The following ABCC1 variants were observed in gnomAD, a reference collection of about 807,000 sequenced individuals.
The protein encoded by ABCC1 is multidrug resistance-associated protein 1.
ABCC1 carries 83 observed loss-of-function variants against 172.9 expected under a neutral mutation model. The observed-to-expected ratio is 0.48, with a 90% CI of 0.40 to 0.58. The LOEUF (loss-of-function observed/expected upper bound fraction) is 0.58. Among genes scored for constraint, ABCC1 ranks in the 20% least tolerant of loss-of-function variants. The pLI is 0.00. For synonymous variants in ABCC1, 937 were observed against 825.2 expected, an observed-to-expected ratio of 1.14 and a Z score of -2.32; for missense variants, 1,817 against 2,002.7, an observed-to-expected ratio of 0.91 and a Z score of 1.77.
rs1000375208 is a variant in ABCC1, at chr16:16,033,183, C to A, written c.677+13C>A. 1 of 1,612,796 alleles carries A rather than the reference C, an allele frequency of 6.2e-7. No individual in the cohort carries two copies. Among genetic ancestry groups the A allele is most frequent in the African/African-American group, 1.3e-5 (1 of 74,882 alleles). On this transcript the variant is annotated intron_variant, in intron 6 of 30. Transcript: ENST00000399410. ...GGTGGATCACAGGGTAAGGCCAGGCCCCCCAGACCTCAGGGAGGTGGTGGG... is the reference window on the plus strand; with the variant it reads ...GGTGGATCACAGGGTAAGGCCAGGCACCCCAGACCTCAGGGAGGTGGTGGG...
Position 16,141,827 on chromosome 16 carries a change from T to G in ABCC1, c.*546T>G, listed in dbSNP as rs45569938. On this transcript the variant is annotated 3_prime_UTR_variant, in exon 31 of 31. Transcript: ENST00000399410. ...CCTGGAGAAAATCATTTTCTCCCCT[T>G]GGCAGTGTCCCAGGGCCCTGGATGG... is the stretch of plus-strand genomic sequence containing the variant. The G allele has an allele frequency of 5.7e-3, 881 of 154,256 alleles. 7 individuals carry two copies. Among genetic ancestry groups the G allele is most frequent in the African/African-American group, 0.019 (797 of 41,622 alleles). The allele number at this position is 154,256 out of a possible 1,614,324, so 9.6% of individuals were successfully genotyped here. A position where few individuals can be genotyped will look rare whatever the true frequency, so the allele number is the denominator to read the frequency against.
intron 29 of ABCC1, among the ~76,000 whole-genome samples, chr16:16,137,242 C>G (rs1190745518): frequency 2.0e-5 from 3 of 152,066 alleles, no homozygotes; most frequent in Non-Finnish European, 4.4e-5. Context: ...CGGCTGGGCT[C>G]ACATGCATGT....
chr16:16,126,442 G>A (rs2045439960), intron 26 of ABCC1, among the ~76,000 whole-genome samples: 1 of 152,156 alleles, frequency 6.6e-6, no homozygotes, highest in African/African-American at 2.4e-5. Context: ...GGAGTGCAGT[G>A]GCACAATCTC....
At chr16:16,139,170 A>C (rs1321512020) in intron 30 of ABCC1, among the ~76,000 whole-genome samples, 3 of 152,208 alleles carry the variant, frequency 2.0e-5, no homozygotes, top group African/African-American at 7.2e-5. Context: ...ACAGAGCAAT[A>C]AACCAACAGG....
chr16:16,103,799 T>C (rs896425530), intron 20 of ABCC1, among the ~76,000 whole-genome samples: 9 of 152,154 alleles, frequency 5.9e-5, no homozygotes, highest in Non-Finnish European at 1.3e-4. Flanking sequence ...TTGCCATGGT[T>C]ATCATCCGGA....
intron 16 of ABCC1, 47 bp downstream of exon 16, chr16:16,079,525 T>A (rs2050723046): frequency 6.3e-7 from 1 of 1,583,236 alleles, no homozygotes; most frequent in Admixed American, 1.8e-5. Flanking sequence ...GCTGGTGGTC[T>A]GAGGAAAAGC....
intron 13 of ABCC1, among the ~76,000 whole-genome samples, chr16:16,068,978 A>G (rs1277978028): frequency 2.0e-4 from 28 of 140,788 alleles, no homozygotes; most frequent in East Asian, 4.2e-4. Context: ...CACAGCAAAA[A>G]CTCCGTCTCA....
intron 13 of ABCC1, among the ~76,000 whole-genome samples, chr16:16,069,035 T>G (rs978840954): frequency 1.7e-4 from 26 of 149,054 alleles, no homozygotes; most frequent in Non-Finnish European, 2.1e-4. Flanking sequence ...CGGCCGGGCA[T>G]GATGGTACAT....
At chr16:15,958,363 G>A (rs1304883447) in intron 1 of ABCC1, among the ~76,000 whole-genome samples, 1 of 152,034 alleles carries the variant, frequency 6.6e-6, no homozygotes, top group African/African-American at 2.4e-5. Context: ...GAGTTCCTCA[G>A]CCTCCCAAAG....
At chr16:16,132,694 G>C (rs145158651) in intron 27 of ABCC1, among the ~76,000 whole-genome samples, 260 of 150,718 alleles carry the variant, frequency 1.7e-3, no homozygotes, top group African/African-American at 6.2e-3. Flanking sequence ...GCTAATTTTT[G>C]TGTTATTAGT....
At chr16:15,972,673 C>G (rs1010677348) in intron 1 of ABCC1, among the ~76,000 whole-genome samples, 2 of 151,558 alleles carry the variant, frequency 1.3e-5, no homozygotes, top group African/African-American at 4.8e-5. Context: ...CCTCTAGCTG[C>G]AAGGGAGGCA....
intron 1 of ABCC1, among the ~76,000 whole-genome samples, chr16:16,005,603 C>G (rs550143829): frequency 1.3e-5 from 2 of 152,242 alleles, no homozygotes; most frequent in South Asian, 4.1e-4. Context: ...GCCTCGGCCT[C>G]CCAAAGTGCT....
intron 1 of ABCC1, among the ~76,000 whole-genome samples, chr16:15,960,665 G>A (rs549515378): frequency 6.6e-6 from 1 of 152,124 alleles, no homozygotes; most frequent in Non-Finnish European, 1.5e-5. Context: ...TTTCGGAGGC[G>A]GTGAGGTTTG....
intron 7 of ABCC1, among the ~76,000 whole-genome samples, chr16:16,043,243 T>TCC (rs1555488075): frequency 1.1e-4 from 15 of 140,868 alleles, no homozygotes; most frequent in African/African-American, 2.2e-4. Context: ...TTTTTTTTTT[T>TCC]CCACTGATGT....
chr16:16,124,339 G>GTGTGTGTGTGTGTGTGTATGTC (rs1466097333), intron 24 of ABCC1, among the ~76,000 whole-genome samples: 1 of 134,508 alleles, frequency 7.4e-6, no homozygotes, highest in Non-Finnish European at 1.6e-5. Flanking sequence ...GTGTGTGTGT[G>GTGTGTGTGTGTGTGTGTATGTC]TGTGTGTGTG....
chr16:16,136,001 A>T (rs1368091810), intron 28 of ABCC1, among the ~76,000 whole-genome samples: 1 of 125,870 alleles, frequency 7.9e-6, no homozygotes, highest in Non-Finnish European at 1.6e-5. Flanking sequence ...TGCCAAACTC[A>T]GACTTTCCAG....
At chr16:16,052,617 G>C in intron 10 of ABCC1, 107 bp from the exon 11 acceptor site, 1 of 1,037,684 alleles carries the variant, frequency 9.6e-7, no homozygotes, top group South Asian at 1.4e-5. Flanking sequence ...ACCTTGCCCT[G>C]AACTTGGTCA....
At chr16:16,066,581 A>G (rs1417690251) in intron 12 of ABCC1, among the ~76,000 whole-genome samples, 2 of 152,220 alleles carry the variant, frequency 1.3e-5, no homozygotes, top group African/African-American at 4.8e-5. Flanking sequence ...TATCATGTAG[A>G]TACATGTAGA....
At chr16:16,031,288 T>C (rs2048550437) in intron 5 of ABCC1, among the ~76,000 whole-genome samples, 1 of 152,158 alleles carries the variant, frequency 6.6e-6, no homozygotes, top group African/African-American at 2.4e-5. Context: ...GGCTAAAGCT[T>C]TCATTACTGC....
Sources: allele counts gnomAD v4.1 joint callset (sites outside exome capture counted in the v4.1 genomes callset), GRCh38; gene constraint gnomAD v4.1.1; transcripts MANE v1.5; gene names NCBI Gene and HGNC (gene_info 2026-07-23, HGNC 2026-07-21).